The following DCTN4 variants were observed in gnomAD, a reference collection of about 807,000 sequenced individuals.
The protein encoded by DCTN4 is dynactin 4 (p62).
DCTN4 carries 23 observed loss-of-function variants against 62.7 expected under a neutral mutation model. The ratio of observed to expected loss-of-function variants is 0.37; its 90% CI spans 0.26 to 0.52. The LOEUF (loss-of-function observed/expected upper bound fraction) is 0.52, where lower values mean the gene tolerates loss of function less well. Among genes scored for constraint, DCTN4 ranks in the 20% least tolerant of loss-of-function variants. The pLI, the probability that DCTN4 is intolerant of heterozygous loss-of-function variation, is 0.92. For synonymous variants in DCTN4, 199 were observed against 202.1 expected (o/e 0.98, Z 0.13); for missense variants, 514 against 580.4 (o/e 0.89, Z 1.18).
chr5:150,714,341 T>G (rs1759680015), intron 12 of DCTN4, among the ~76,000 whole-genome samples: 2 of 151,914 alleles, frequency 1.3e-5, no homozygotes, highest in African/African-American at 4.8e-5. Context: ...AGATTCCTGT[T>G]TGCTTGTGGT....
At chr5:150,758,111 C>T in intron 1 of DCTN4, 1 of 985,548 alleles carries the variant, frequency 1.0e-6, no homozygotes, top group Non-Finnish European at 1.2e-6. Flanking sequence ...TTATGTCTTA[C>T]TCGCCTTTTA....
At chr5:150,712,916 A>T (rs1208733832) in intron 12 of DCTN4, among the ~76,000 whole-genome samples, 1 of 152,230 alleles carries the variant, frequency 6.6e-6, no homozygotes, top group African/African-American at 2.4e-5. Flanking sequence ...AGTTCTATTA[A>T]ATCTAATAAT....
rs185360055 is a variant in DCTN4, at chr5:150,739,754, G to A, written c.429+2360C>T. 2.6e-4 allele frequency among the ~76,000 whole-genome samples: 39 copies of A among 152,272 alleles called. No individual in the cohort carries two copies. The East Asian group carries it at 6.9e-3, about 27-fold the overall frequency. On this transcript the variant is annotated intron_variant, in intron 4 of 12. Coordinates refer to ENST00000447998, the MANE Select transcript of DCTN4 (RefSeq NM_016221.4). ...GCACACAGATCAATGAAACAGAATAGAGAACCCAGAAATAAACCAAATACT... is the reference window on the plus strand; with the variant it reads ...GCACACAGATCAATGAAACAGAATAAAGAACCCAGAAATAAACCAAATACT...
chr5:150,741,978 G>A, intron 4 of DCTN4, 136 bp downstream of exon 4: 1 of 769,050 alleles, frequency 1.3e-6, no homozygotes, highest in African/African-American at 1.7e-5. Flanking sequence ...CTTACAATGA[G>A]AAGCACTGTC....
At chr5:150,715,509 G>A (rs1268363945) in intron 12 of DCTN4, 56 bp downstream of exon 12, 3 of 1,343,476 alleles carry the variant, frequency 2.2e-6, no homozygotes, top group Admixed American at 3.6e-5. Context: ...CTGGATATAA[G>A]TGGGCATTCT....
At position 150,742,161 on chromosome 5, in the gene DCTN4, C is replaced by T. The variant is rs202007997; in HGVS notation, c.386-4G>A. 2.3e-3 allele frequency: 3,688 copies of T among 1,613,170 alleles called. 49 individuals are homozygous for T. The South Asian group carries it at 0.024, about 11-fold the overall frequency. ...GGTTCCTGCCAACCGCCACTAGCTA[C>T]AAAATAAAAGAATATTAAACAAGAC... On this transcript the variant is annotated splice_polypyrimidine_tract_variant and splice_region_variant and intron_variant, in intron 3 of 12. Transcript: ENST00000447998.
intron 3 of DCTN4, among the ~76,000 whole-genome samples, chr5:150,742,457 G>C (rs1269521966): frequency 6.6e-6 from 1 of 152,122 alleles, no homozygotes; most frequent in Non-Finnish European, 1.5e-5. Context: ...TTATATATGA[G>C]GAAACTGAGG....
intron 9 of DCTN4, among the ~76,000 whole-genome samples, chr5:150,720,066 T>C (rs1282372207): frequency 6.6e-6 from 1 of 152,224 alleles, no homozygotes; most frequent in African/African-American, 2.4e-5. Flanking sequence ...GATATTTATC[T>C]CCTTGTGCCT....
chr5:150,730,950 A>C lies in DCTN4; in HGVS notation c.724+94T>G, dbSNP rs969346884. 118 of 837,710 alleles carry C rather than the reference A, an allele frequency of 1.4e-4. 1 individual carries two copies. Among genetic ancestry groups the C allele is most frequent in the Non-Finnish European group, 2.0e-4 (105 of 513,040 alleles). The allele number at this position is 837,710 out of a possible 1,614,324, so 51.9% of individuals were successfully genotyped here. ...CATATTGTTTTTACTACTAACAGCTATTCCATTAAAAATCTCAAATCACTA... is the reference window on the plus strand; with the variant it reads ...CATATTGTTTTTACTACTAACAGCTCTTCCATTAAAAATCTCAAATCACTA... On this transcript the variant is annotated intron_variant, in intron 7 of 12. Transcript: ENST00000447998.
intron 8 of DCTN4, among the ~76,000 whole-genome samples, chr5:150,728,581 G>A (rs1760238314): frequency 6.6e-6 from 1 of 152,018 alleles, no homozygotes. Context: ...ATTATTCAGT[G>A]CACATGACTT....
chr5:150,724,229 A>C (rs980632374), intron 8 of DCTN4, among the ~76,000 whole-genome samples: 2 of 152,028 alleles, frequency 1.3e-5, no homozygotes, highest in Non-Finnish European at 2.9e-5. Context: ...TTAGTGTATA[A>C]ATTTGAATAT....
chr5:150,730,807 G>T, intron 7 of DCTN4, 67 bp from the exon 8 acceptor site: 1 of 1,295,806 alleles, frequency 7.7e-7, no homozygotes, highest in Non-Finnish European at 1.1e-6. Flanking sequence ...TTATGTACCA[G>T]TAATTACACG....
At chr5:150,731,325 C>CTGTG (rs3217226) in intron 6 of DCTN4, 91 bp downstream of exon 6, 29 of 1,092,250 alleles carry the variant, frequency 2.7e-5, no homozygotes, top group South Asian at 4.2e-5. Flanking sequence ...CCATTGACAA[C>CTGTG]TGTGTGTGTG....
At chr5:150,729,194 T>C (rs1001717281) in intron 8 of DCTN4, among the ~76,000 whole-genome samples, 3 of 151,728 alleles carry the variant, frequency 2.0e-5, no homozygotes, top group Admixed American at 6.6e-5. Flanking sequence ...GGCTTTCTAT[T>C]TGAACTACCA....
chr5:150,720,974 T>C (rs1410154925), intron 9 of DCTN4, among the ~76,000 whole-genome samples: 2 of 152,190 alleles, frequency 1.3e-5, no homozygotes, highest in African/African-American at 4.8e-5. Flanking sequence ...TAACCAATCA[T>C]GTATTAAGAG....
chr5:150,717,399 G>C lies in DCTN4; in HGVS notation c.1071+877C>G, dbSNP rs530469869. Among the ~76,000 whole-genome samples the C allele has an allele frequency of 2.6e-5, 4 of 152,220 alleles. 1 individual carries two copies. The highest frequency in any genetic ancestry group is 9.6e-5 in the African/African-American group (4 of 41,530). Reference sequence around the variant, plus strand: ...CCAGTAGCTGAGATTACAGGCATCTGCCATCATGCCCGGCTAATTTTTGTA... The same window carrying C: ...CCAGTAGCTGAGATTACAGGCATCTCCCATCATGCCCGGCTAATTTTTGTA... On this transcript the variant is annotated intron_variant, in intron 11 of 12. Coordinates refer to ENST00000447998, the MANE Select transcript of DCTN4 (RefSeq NM_016221.4).
Position 150,753,479 on chromosome 5 carries a change from C to G in DCTN4, c.385G>C (p.Ala129Pro). The change falls in exon 3 of 13, where the codon GCT becomes CCT. Residue 129 changes from alanine to proline, a missense_variant and splice_region_variant. Transcript: ENST00000447998. ...TCATATTGAAGTCCATCTCACTCACCTACAGATTTGTCTGCCATGCCCACA... is the reference window on the plus strand; with the variant it reads ...TCATATTGAAGTCCATCTCACTCACGTACAGATTTGTCTGCCATGCCCACA... ...RDVGMADKSV[A>P]SGGWQEPENP... 6.2e-7 allele frequency: 1 copy of G among 1,613,262 alleles called. No homozygotes were observed. Among genetic ancestry groups the G allele is most frequent in the Non-Finnish European group, 8.5e-7 (1 of 1,179,326 alleles).
At chr5:150,755,759 A>G (rs191248502) in intron 2 of DCTN4, among the ~76,000 whole-genome samples, 2 of 152,344 alleles carry the variant, frequency 1.3e-5, no homozygotes, top group Admixed American at 6.5e-5. Context: ...AATCCTGGAA[A>G]AAAAGGAGAC....
intron 9 of DCTN4, among the ~76,000 whole-genome samples, chr5:150,720,789 G>C (rs2113016633): frequency 6.6e-6 from 1 of 152,294 alleles, no homozygotes; most frequent in Middle Eastern, 3.4e-3. Context: ...CAGAGCATCT[G>C]TATTAAGATA....
Sources: allele counts gnomAD v4.1 joint callset (sites outside exome capture counted in the v4.1 genomes callset), GRCh38; gene constraint gnomAD v4.1.1; transcripts MANE v1.5; gene names NCBI Gene and HGNC (gene_info 2026-07-23, HGNC 2026-07-21).